Variants in RYR2 observed in about 807,000 individuals in gnomAD.
RYR2 encodes cardiac muscle ryanodine receptor-calcium release channel.
RYR2 carries 227 observed loss-of-function variants against 601.1 expected under a neutral mutation model. The ratio of observed to expected loss-of-function variants is 0.38; its 90% CI spans 0.34 to 0.42. The LOEUF is 0.42. Among genes scored for constraint, RYR2 ranks in the 10% least tolerant of loss-of-function variants. The pLI is 1.00. For synonymous variants in RYR2, 2,223 were observed against 2,175.1 expected (o/e 1.02, Z -0.61); for missense variants, 4,646 against 6,156.5 (o/e 0.75, Z 8.21).
chr1:237,067,043 T>C (rs1663733147), intron 1 of RYR2, among the ~76,000 whole-genome samples: 1 of 152,210 alleles, frequency 6.6e-6, no homozygotes, highest in African/African-American at 2.4e-5. Flanking sequence ...ATTTTAGATA[T>C]GGGTCTTTTG....
intron 8 of RYR2, among the ~76,000 whole-genome samples, chr1:237,379,694 C>G (rs925356294): frequency 2.0e-5 from 3 of 152,148 alleles, no homozygotes; most frequent in South Asian, 2.1e-4. Context: ...CTGTGGCCAT[C>G]ATAGCTCACA....
chr1:237,569,057 G>C, intron 28 of RYR2, 88 bp from the exon 29 acceptor site: 1 of 1,145,932 alleles, frequency 8.7e-7, no homozygotes, highest in Non-Finnish European at 1.2e-6. Flanking sequence ...TGATAGAAGG[G>C]ACTGCTGTTA....
At chr1:237,281,802 T>C (rs1192967848) in intron 2 of RYR2, among the ~76,000 whole-genome samples, 2 of 152,200 alleles carry the variant, frequency 1.3e-5, no homozygotes, top group Non-Finnish European at 1.5e-5. Flanking sequence ...ATAGGGATTG[T>C]GGTTTTGATG....
At chr1:237,563,864 C>G (rs1427495595) in intron 27 of RYR2, among the ~76,000 whole-genome samples, 2 of 152,038 alleles carry the variant, frequency 1.3e-5, no homozygotes, top group Non-Finnish European at 2.9e-5. Flanking sequence ...AAACCAAACA[C>G]AGAAAAGAGA....
chr1:237,608,002 G>A (rs976320414), intron 35 of RYR2, among the ~76,000 whole-genome samples: 12 of 152,078 alleles, frequency 7.9e-5, no homozygotes, highest in South Asian at 4.1e-4. Flanking sequence ...ATATACATAC[G>A]TATGCATACC....
At chr1:237,173,357 A>T (rs776901607) in intron 1 of RYR2, among the ~76,000 whole-genome samples, 1 of 152,142 alleles carries the variant, frequency 6.6e-6, no homozygotes, top group African/African-American at 2.4e-5. Flanking sequence ...CAAATTACTT[A>T]ATCTCTCCAA....
chr1:237,172,274 C>T (rs1019505583), intron 1 of RYR2, among the ~76,000 whole-genome samples: 1 of 152,176 alleles, frequency 6.6e-6, no homozygotes, highest in African/African-American at 2.4e-5. Context: ...GCTCATTATG[C>T]TTCCTAGGCT....
chr1:237,632,441 C>A (rs905514907), intron 42 of RYR2, among the ~76,000 whole-genome samples: 4 of 144,308 alleles, frequency 2.8e-5, no homozygotes, highest in African/African-American at 7.7e-5. Context: ...CTTGCCCAGG[C>A]TGGAGTGCAG....
At position 237,081,414 on chromosome 1, in the gene RYR2, A is replaced by T. The variant is rs570981688; in HGVS notation, c.48+38845A>T. On this transcript the variant is annotated intron_variant, in intron 1 of 104. Coordinates refer to ENST00000366574, the MANE Select transcript of RYR2 (RefSeq NM_001035.3). ...CCTTGTATGGGTACCCATGGCCCAC[A>T]CTTCAGGGAGGGCCAGGTTCTAAAG... is the stretch of plus-strand genomic sequence containing the variant. Among the ~76,000 whole-genome samples, 3 of 151,730 alleles carry T rather than the reference A, an allele frequency of 2.0e-5. No individual in the cohort carries two copies. In the East Asian group the frequency reaches 5.8e-4, roughly 29 times the overall value.
At chr1:237,235,871 C>T (rs946127896) in intron 1 of RYR2, among the ~76,000 whole-genome samples, 7 of 152,050 alleles carry the variant, frequency 4.6e-5, no homozygotes, top group African/African-American at 4.8e-5. Context: ...TTTACTGTGT[C>T]GTGCATATGT....
chr1:237,168,292 G>A (rs1362496458), intron 1 of RYR2, among the ~76,000 whole-genome samples: 1 of 152,006 alleles, frequency 6.6e-6, no homozygotes, highest in Non-Finnish European at 1.5e-5. Flanking sequence ...AAGCAAGTTT[G>A]AACTTCTTCA....
intron 56 of RYR2, among the ~76,000 whole-genome samples, chr1:237,661,656 G>A (rs1168793410): frequency 6.6e-6 from 1 of 152,114 alleles, no homozygotes; most frequent in Non-Finnish European, 1.5e-5. Context: ...AAAGAGTAGG[G>A]TGTTCAGACA....
intron 44 of RYR2, among the ~76,000 whole-genome samples, chr1:237,635,268 A>T (rs1048174564): frequency 6.6e-6 from 1 of 152,212 alleles, no homozygotes; most frequent in Non-Finnish European, 1.5e-5. Context: ...GTTATGAAGA[A>T]CAATACATTT....
rs2149146589 is a variant in RYR2 at position 237,222,844 on chromosome 1, T to A, written c.49-47653T>A. Among the ~76,000 whole-genome samples, 2 of 152,246 alleles carry A rather than the reference T, an allele frequency of 1.3e-5. 1 individual carries two copies. The highest frequency in any genetic ancestry group is 4.8e-5 in the African/African-American group (2 of 41,560). ...ACTTTGGGAGGCTGATGTGGGAGGATTACCTGAGGTCAGAAGTTCAAGACC... is the reference window on the plus strand; with the variant it reads ...ACTTTGGGAGGCTGATGTGGGAGGAATACCTGAGGTCAGAAGTTCAAGACC... On this transcript the variant is annotated intron_variant, in intron 1 of 104. Coordinates refer to ENST00000366574, the MANE Select transcript of RYR2 (RefSeq NM_001035.3).
chr1:237,373,908 A>G (rs1700829832), intron 6 of RYR2, among the ~76,000 whole-genome samples: 1 of 152,224 alleles, frequency 6.6e-6, no homozygotes, highest in Admixed American at 6.5e-5. Flanking sequence ...TGTTTGGGAG[A>G]AAGATTTCTA....
Position 237,456,632 on chromosome 1 carries a change from C to CA in RYR2, c.1509_1510insA (p.Arg504ThrfsTer13). The CA allele has an allele frequency of 6.2e-7, 1 of 1,605,962 alleles. No individual in the cohort carries two copies. Among genetic ancestry groups the CA allele is most frequent in the Non-Finnish European group, 8.5e-7 (1 of 1,175,180 alleles). ...TCAACCTCGTGCTTGAGTGCATAGA[C>CA]CGTTTGCACGTCTACAGCAGTGCAG... On this transcript the variant is annotated frameshift_variant, in exon 16 of 105. Coordinates refer to ENST00000366574, the MANE Select transcript of RYR2 (RefSeq NM_001035.3). LOFTEE classifies it high-confidence loss of function.
At chr1:237,232,723 C>T (rs751961303) in intron 1 of RYR2, among the ~76,000 whole-genome samples, 1 of 152,080 alleles carries the variant, frequency 6.6e-6, no homozygotes, top group Non-Finnish European at 1.5e-5. Flanking sequence ...GAGCCCTTAA[C>T]CGGGGAATCT....
chr1:237,801,884 A>G lies in RYR2; in HGVS notation c.14119A>G (p.Met4707Val). ...VLNSIDVKYQ[M>V]WKLGVVFTDN... ...GAACTCCATTGATGTGAAGTATCAG[A>G]TGTGGAAACTAGGAGTCGTTTTCAC... is the stretch of plus-strand genomic sequence containing the variant. The change falls in exon 98 of 105, where the codon ATG becomes GTG. Residue 4707 changes from methionine (M) to valine (V), a missense_variant. Met to Val is a conservative substitution (Grantham distance 21, BLOSUM62 1). Coordinates refer to ENST00000366574, the MANE Select transcript of RYR2 (RefSeq NM_001035.3). 6.2e-7 allele frequency: 1 copy of G among 1,603,090 alleles called. No homozygotes were observed. The highest frequency in any genetic ancestry group is 8.5e-7 in the Non-Finnish European group (1 of 1,172,938).
chr1:237,200,738 C>T lies in RYR2; in HGVS notation c.49-69759C>T, dbSNP rs535794752. ...CTTTCTTCTCTGGCCAAATAAGAGA[C>T]AGAAACCACAGAAAACAGCATAGTA... On this transcript the variant is annotated intron_variant, in intron 1 of 104. Transcript: ENST00000366574. 7.9e-5 allele frequency among the ~76,000 whole-genome samples: 12 copies of T among 152,290 alleles called. No individual in the cohort carries two copies. In the South Asian group the frequency reaches 2.3e-3, roughly 29 times the overall value.
Sources: gnomAD v4.1 joint callset for allele counts (sites outside exome capture counted in the v4.1 genomes callset) on GRCh38, gnomAD v4.1.1 for gene constraint, MANE v1.5 for transcripts, NCBI Gene and HGNC (gene_info 2026-07-23, HGNC 2026-07-21) for gene names.